SAV1: variants seen among roughly 807,000 people sequenced by gnomAD.
SAV1 encodes the protein protein salvador homolog 1.
SAV1 carries 23 observed loss-of-function variants against 47.3 expected under a neutral mutation model. The ratio of observed to expected loss-of-function variants is 0.49; its 90% CI spans 0.35 to 0.69. SAV1 has a LOEUF of 0.69. Ranked by LOEUF, SAV1 falls within the 30% of genes least tolerant of loss-of-function variation. The pLI, the probability that SAV1 is intolerant of heterozygous loss-of-function variation, is 0.01. For missense variants in SAV1, 448 were observed against 457.4 expected (o/e 0.98, Z 0.19); for synonymous variants, 155 against 159.2 (o/e 0.97, Z 0.20).
At chr14:50,643,269 G>A in intron 3 of SAV1, among the ~76,000 whole-genome samples, 1 of 152,164 alleles carries the variant, frequency 6.6e-6, no homozygotes, top group East Asian at 1.9e-4. Context: ...TTTTCACAAT[G>A]TTATAAAGAA....
chr14:50,659,390 G>T (rs573441411), intron 2 of SAV1, among the ~76,000 whole-genome samples: 1 of 152,198 alleles, frequency 6.6e-6, no homozygotes, highest in South Asian at 2.1e-4. Flanking sequence ...TTAAAATTAC[G>T]GTAGGGGCCC....
At position 50,665,330 on chromosome 14, in the gene SAV1, G is replaced by A. The variant is rs781398445; in HGVS notation, c.384C>T (p.Asp128=). The A allele has an allele frequency of 6.2e-7, 1 of 1,613,708 alleles. No individual in the cohort carries two copies. The highest frequency in any genetic ancestry group is 8.5e-7 in the Non-Finnish European group (1 of 1,179,762). The change falls in exon 2 of 5, where the codon GAC becomes GAT. Residue 128 remains aspartate, a synonymous_variant. Coordinates refer to ENST00000324679, the MANE Select transcript of SAV1 (RefSeq NM_021818.4). ...CTGAATAATAATATCGGGAACCAGA[G>A]TCTCCATTTTCAACAGCAAAACTAA... is the stretch of plus-strand genomic sequence containing the variant. The part of the protein sequence containing the change: ...TEVSFAVENG[D]SGSRYYYSDN...
At chr14:50,641,021 A>C in intron 3 of SAV1, 128 bp from the exon 4 acceptor site, 1 of 693,800 alleles carries the variant, frequency 1.4e-6, no homozygotes, top group Non-Finnish European at 2.2e-6. Flanking sequence ...CACCACCTGA[A>C]AGGTAATGTA....
intron 2 of SAV1, among the ~76,000 whole-genome samples, chr14:50,651,374 CA>C (rs770928819): frequency 1.9e-4 from 29 of 151,910 alleles, no homozygotes; most frequent in Non-Finnish European, 2.8e-4. Flanking sequence ...TGGGTATTTA[CA>C]GGGGGAGGAA....
At chr14:50,640,663 G>T in intron 4 of SAV1, 87 bp downstream of exon 4, 1 of 1,165,800 alleles carries the variant, frequency 8.6e-7, no homozygotes, top group Non-Finnish European at 1.2e-6. Flanking sequence ...AGTAAAATAT[G>T]GCACACTACT....
intron 2 of SAV1, among the ~76,000 whole-genome samples, 195 bp from the exon 3 acceptor site, chr14:50,645,209 T>C (rs1465100924): frequency 1.3e-5 from 2 of 152,174 alleles, no homozygotes; most frequent in Non-Finnish European, 2.9e-5. Context: ...GGGGAGGAAC[T>C]AGACTTTGAA....
rs2039924131 is a variant in SAV1 at position 50,668,293 on chromosome 14, T to A, written c.-326A>T. 5.9e-6 allele frequency: 1 copy of A among 168,644 alleles called. No homozygotes were observed. Among genetic ancestry groups the A allele is most frequent in the Admixed American group, 6.4e-5 (1 of 15,652 alleles). 10.4% of individuals were successfully genotyped at this position (168,644 alleles called of 1,614,324 possible). On this transcript the variant is annotated 5_prime_UTR_variant, in exon 1 of 5. Coordinates refer to ENST00000324679, the MANE Select transcript of SAV1 (RefSeq NM_021818.4). The stretch of plus-strand genomic sequence containing the variant: ...CCATGGTCCGCCGCGGGCCGCCGAA[T>A]AACCGCTACCACTACCGCCGCCGCC...
intron 2 of SAV1, among the ~76,000 whole-genome samples, chr14:50,656,052 A>G (rs979641371): frequency 6.6e-6 from 1 of 152,216 alleles, no homozygotes; most frequent in Admixed American, 6.5e-5. Context: ...TCTCAAAAAC[A>G]AAAACAAAAA....
intron 4 of SAV1, among the ~76,000 whole-genome samples, chr14:50,636,814 G>T (rs560540645): frequency 2.0e-5 from 3 of 152,246 alleles, no homozygotes; most frequent in South Asian, 4.1e-4. Context: ...ACTAGACAAA[G>T]AACTTGAATT....
chr14:50,667,888 G>A lies in SAV1; in HGVS notation c.80C>T (p.Ser27Leu), dbSNP rs1422697297. Residue 27 changes from serine (S) to leucine (L), a missense_variant, in exon 1 of 5, where the codon TCG (serine) becomes TTG (leucine). By Grantham distance (145) the Ser-to-Leu change is moderately radical. Transcript: ENST00000324679. ...VQGKYVKKET[S>L]PLLRNLMPSF... Reference sequence around the variant, plus strand: ...CTGACACTCACTCCGAAGCAGAGGCGACGTCTCCTTCTTCACGTACTTCCC... The same window carrying A: ...CTGACACTCACTCCGAAGCAGAGGCAACGTCTCCTTCTTCACGTACTTCCC... 1.2e-6 allele frequency: 2 copies of A among 1,613,068 alleles called. No homozygotes were observed. Among genetic ancestry groups the A allele is most frequent in the Middle Eastern group, 1.7e-4 (1 of 5,954 alleles).
Position 50,665,996 on chromosome 14 carries a change from G to C in SAV1, c.95-377C>G, listed in dbSNP as rs1051590482. Among the ~76,000 whole-genome samples, 7 of 152,248 alleles carry C rather than the reference G, an allele frequency of 4.6e-5. No homozygotes were observed. The East Asian group carries it at 1.2e-3, about 25-fold the overall frequency. Reference sequence around the variant, plus strand: ...TAATATAACAAATTGATAGTTTCTAGTTAAGTAGTTTATTTTGTTGTTCTC... The same window carrying C: ...TAATATAACAAATTGATAGTTTCTACTTAAGTAGTTTATTTTGTTGTTCTC... On this transcript the variant is annotated intron_variant, in intron 1 of 4. Coordinates refer to ENST00000324679, the MANE Select transcript of SAV1 (RefSeq NM_021818.4).
chr14:50,661,805 T>C (rs2039862423), intron 2 of SAV1, among the ~76,000 whole-genome samples: 2 of 152,250 alleles, frequency 1.3e-5, no homozygotes, highest in Admixed American at 6.5e-5. Context: ...TGTCTTTCTA[T>C]ACCAATACCA....
rs544706404 is a variant in SAV1 at position 50,648,205 on chromosome 14, T to C, written c.536-3191A>G. ...GCAGCCAGTCTCAAGTGGCTACAAA[T>C]TGTACAGTTCCATTTTTATGAGATT... On this transcript the variant is annotated intron_variant, in intron 2 of 4. Transcript: ENST00000324679. Among the ~76,000 whole-genome samples, 13 of 152,266 alleles carry C rather than the reference T, an allele frequency of 8.5e-5. 1 individual carries two copies. The Middle Eastern group carries it at 0.02, about 239-fold the overall frequency.
At chr14:50,654,704 G>T (rs1029990193) in intron 2 of SAV1, among the ~76,000 whole-genome samples, 1 of 152,148 alleles carries the variant, frequency 6.6e-6, no homozygotes, top group African/African-American at 2.4e-5. Context: ...ATAAAATGAG[G>T]TATGCCTGTA....
chr14:50,660,822 A>T (rs796303474), intron 2 of SAV1, among the ~76,000 whole-genome samples: 2 of 152,234 alleles, frequency 1.3e-5, no homozygotes, highest in African/African-American at 4.8e-5. Flanking sequence ...CCCACATGTG[A>T]GTAAGAACAT....
chr14:50,645,998 T>C (rs2140252349), intron 2 of SAV1, among the ~76,000 whole-genome samples: 1 of 152,246 alleles, frequency 6.6e-6, no homozygotes, highest in South Asian at 2.1e-4. Flanking sequence ...ACCTATCACA[T>C]TAACGGATTG....
At chr14:50,667,353 G>A in intron 1 of SAV1, 2 of 451,810 alleles carry the variant, frequency 4.4e-6, no homozygotes, top group Non-Finnish European at 8.9e-6. Flanking sequence ...TTTGGGTGGC[G>A]GCTACAAGAA....
chr14:50,656,510 T>G (rs2039813812), intron 2 of SAV1, among the ~76,000 whole-genome samples: 1 of 149,644 alleles, frequency 6.7e-6, no homozygotes, highest in Non-Finnish European at 1.5e-5. Flanking sequence ...TGGCGCGATC[T>G]CCGCTCACTG....
Position 50,644,738 on chromosome 14 carries a change from C to T in SAV1, c.806+6G>A. 1 of 1,607,320 alleles carries T rather than the reference C, an allele frequency of 6.2e-7. No individual in the cohort carries two copies. Reference sequence around the variant, plus strand: ...CAAAAAGTTGAAAATAAAGTTGATACTGTACCTAGGAGCACAGGGATGCCT... The same window carrying T: ...CAAAAAGTTGAAAATAAAGTTGATATTGTACCTAGGAGCACAGGGATGCCT... On this transcript the variant is annotated splice_donor_region_variant and intron_variant, in intron 3 of 4. Transcript: ENST00000324679.
Sources: gnomAD v4.1 joint callset for allele counts (sites outside exome capture counted in the v4.1 genomes callset) on GRCh38, gnomAD v4.1.1 for gene constraint, MANE v1.5 for transcripts, NCBI Gene and HGNC (gene_info 2026-07-23, HGNC 2026-07-21) for gene names.